TRARG1: variants seen among roughly 807,000 people sequenced by gnomAD.
The protein encoded by TRARG1 is trafficking regulator of GLUT4 1.
TRARG1 carries 16 observed loss-of-function variants against 13.3 expected under a neutral mutation model. The ratio of observed to expected loss-of-function variants is 1.20; its 90% CI spans 0.81 to 1.83. The LOEUF is 1.83. TRARG1 is among the 40% of genes most tolerant of loss of function. The pLI is 0.00. For synonymous variants in TRARG1, 113 were observed against 106.2 expected, an observed-to-expected ratio of 1.06 and a Z score of -0.39; for missense variants, 250 against 237.4, an observed-to-expected ratio of 1.05 and a Z score of -0.35.
chr17:1,295,543 G>T lies in TRARG1; in HGVS notation c.440G>T (p.Arg147Leu). The T allele has an allele frequency of 1.9e-6, 3 of 1,612,876 alleles. No individual in the cohort carries two copies. The highest frequency in any genetic ancestry group is 1.1e-5 in the South Asian group (1 of 91,016). The part of the protein sequence containing the change: ...GNVDGARRLG[R>L]LARLLSITLI... ...GTGGACGGCGCCCGGAGGCTGGGCC[G>T]CCTGGCTCGGCTGCTCAGCATTACC... Residue 147 changes from arginine (R) to leucine (L), a missense_variant, in exon 2 of 3, where the codon CGC (arginine) becomes CTC (leucine). Arg to Leu is a moderately radical substitution (Grantham distance 102, BLOSUM62 -2). Transcript: ENST00000333813.
intron 1 of TRARG1, among the ~76,000 whole-genome samples, chr17:1,282,019 T>TACACAGATATAC (rs2071977859): frequency 4.2e-5 from 6 of 142,530 alleles, no homozygotes; most frequent in Non-Finnish European, 9.4e-5. Flanking sequence ...TATGTACATA[T>TACACAGATATAC]ACATATGTAC....
intron 1 of TRARG1, among the ~76,000 whole-genome samples, chr17:1,294,465 T>C (rs1418676561): frequency 8.8e-6 from 1 of 114,198 alleles, no homozygotes; most frequent in African/African-American, 3.7e-5. Context: ...GTGAAGACAG[T>C]GTCTTTTTTT....
chr17:1,297,374 G>A lies in TRARG1; in HGVS notation c.521-877G>A, dbSNP rs57109862. On this transcript the variant is annotated intron_variant, in intron 2 of 2. Transcript: ENST00000333813. ...CCTTGGCCACTTAGGAGAGGGAAGCGTTCGGGTTTGGAATCAGCGTGCCCA... is the reference window on the plus strand; with the variant it reads ...CCTTGGCCACTTAGGAGAGGGAAGCATTCGGGTTTGGAATCAGCGTGCCCA... 6.0e-3 allele frequency among the ~76,000 whole-genome samples: 918 copies of A among 152,172 alleles called. 12 individuals carry two copies. The highest frequency in any genetic ancestry group is 0.021 in the African/African-American group (886 of 41,524).
Position 1,280,102 on chromosome 17 carries a change from A to C in TRARG1, c.101A>C (p.Glu34Ala). 1 of 1,613,740 alleles carries C rather than the reference A, an allele frequency of 6.2e-7. No homozygotes were observed. The highest frequency in any genetic ancestry group is 8.5e-7 in the Non-Finnish European group (1 of 1,180,028). ...PEMEILLTKA[E>A]NKDDKTLNLS... ...ATGGAGATACTCCTCACCAAGGCAG[A>C]GAACAAGGATGACAAGACCCTGAAT... is the stretch of plus-strand genomic sequence containing the variant. Residue 34 changes from glutamate (E) to alanine (A), a missense_variant, in exon 1 of 3, where the codon GAG becomes GCG. Transcript: ENST00000333813.
intron 1 of TRARG1, among the ~76,000 whole-genome samples, chr17:1,293,694 T>TC (rs2072090844): frequency 1.3e-5 from 2 of 152,018 alleles, no homozygotes; most frequent in African/African-American, 4.8e-5. Context: ...TTTGATGTTG[T>TC]GGGTTGAGTT....
In TRARG1 at chr17:1,280,148, G is replaced by T. The variant is rs773347141; in HGVS notation, c.147G>T (p.Gly49=). ...KTLNLSKTLS[G]PLDLEQNSQG... ...TGAATCTGTCCAAGACCCTCTCGGGGCCTCTGGATCTGGAGCAGAACAGCC... is the reference window on the plus strand; with the variant it reads ...TGAATCTGTCCAAGACCCTCTCGGGTCCTCTGGATCTGGAGCAGAACAGCC... The change falls in exon 1 of 3, where the codon GGG becomes GGT. Residue 49 remains glycine, a synonymous_variant. Coordinates refer to ENST00000333813, the MANE Select transcript of TRARG1 (RefSeq NM_172367.3). 3.1e-6 allele frequency: 5 copies of T among 1,613,990 alleles called. No homozygotes were observed. The highest frequency in any genetic ancestry group is 1.1e-5 in the South Asian group (1 of 91,062).
At chr17:1,286,754 TGTTATCAGCCTGTGGG>T (rs2072028124) in intron 1 of TRARG1, among the ~76,000 whole-genome samples, 1 of 141,612 alleles carries the variant, frequency 7.1e-6, no homozygotes, top group Non-Finnish European at 1.5e-5. Flanking sequence ...GCCTGTGGGG[TGTTATCAGCCTGTGGG>T]GTGTTATTGG....
At chr17:1,297,256 C>T (rs917779774) in intron 2 of TRARG1, among the ~76,000 whole-genome samples, 14 of 152,104 alleles carry the variant, frequency 9.2e-5, no homozygotes, top group Non-Finnish European at 1.5e-5. Context: ...CCAGCCCAAC[C>T]GTCAACGTTG....
At chr17:1,284,094 G>C (rs1468114300) in intron 1 of TRARG1, among the ~76,000 whole-genome samples, 1 of 150,704 alleles carries the variant, frequency 6.6e-6, no homozygotes, top group African/African-American at 2.5e-5. Context: ...CAGCCTGGGC[G>C]ACAGAGCAAG....
chr17:1,282,194 GTACACGTGCGTATATGTACGTA>G (rs1404613649), intron 1 of TRARG1, among the ~76,000 whole-genome samples: 7 of 125,858 alleles, frequency 5.6e-5, no homozygotes, highest in South Asian at 5.1e-4. Flanking sequence ...ATATGTACGT[GTACACGTGCGTATATGTACGTA>G]TACACGTGCG....
At chr17:1,297,754 C>A (rs1043015379) in intron 2 of TRARG1, among the ~76,000 whole-genome samples, 1 of 151,964 alleles carries the variant, frequency 6.6e-6, no homozygotes, top group African/African-American at 2.4e-5. Context: ...CAGGCACGTG[C>A]CACCACGCCC....
intron 1 of TRARG1, among the ~76,000 whole-genome samples, chr17:1,281,064 G>C (rs1353785341): frequency 6.6e-6 from 1 of 152,350 alleles, no homozygotes; most frequent in Non-Finnish European, 1.5e-5. Flanking sequence ...AAAAATGTGA[G>C]AGTCAGAGGG....
Position 1,280,051 on chromosome 17 carries a change from C to T in TRARG1, c.50C>T (p.Ser17Phe). The T allele has an allele frequency of 6.2e-7, 1 of 1,613,416 alleles. No homozygotes were observed. The highest frequency in any genetic ancestry group is 8.5e-7 in the Non-Finnish European group (1 of 1,180,028). ...SEFPSAQEPG[S>F]AAFLDLPEME... ...TTTCCTTCAGCACAGGAGCCAGGCT[C>T]CGCCGCATTCCTGGACCTGCCGGAG... The change falls in exon 1 of 3, where the codon TCC (serine) becomes TTC (phenylalanine). Residue 17 changes from serine to phenylalanine, a missense_variant. Coordinates refer to ENST00000333813, the MANE Select transcript of TRARG1 (RefSeq NM_172367.3).
intron 1 of TRARG1, among the ~76,000 whole-genome samples, chr17:1,283,637 T>C (rs1341050323): frequency 1.3e-5 from 2 of 151,104 alleles, no homozygotes; most frequent in Non-Finnish European, 2.9e-5. Flanking sequence ...TGCAACCCCA[T>C]CTCTACTAAA....
At chr17:1,292,130 T>G (rs945538243) in intron 1 of TRARG1, among the ~76,000 whole-genome samples, 1 of 152,070 alleles carries the variant, frequency 6.6e-6, no homozygotes, top group Non-Finnish European at 1.5e-5. Flanking sequence ...ATCTCGCCAT[T>G]GCACTACAGC....
chr17:1,288,210 C>T (rs944990588), intron 1 of TRARG1, among the ~76,000 whole-genome samples: 3 of 151,910 alleles, frequency 2.0e-5, no homozygotes, highest in Admixed American at 6.6e-5. Context: ...GCTGCCTCCA[C>T]GTGCTGTCTG....
At chr17:1,290,606 G>C (rs906240661) in intron 1 of TRARG1, among the ~76,000 whole-genome samples, 1 of 152,094 alleles carries the variant, frequency 6.6e-6, no homozygotes, top group Non-Finnish European at 1.5e-5. Context: ...GAGGGTCCTT[G>C]TTGATCTGGC....
rs538254309 is a variant in TRARG1, at chr17:1,298,679, G to A, written c.*415G>A. ...AGAGCTCCTTCCTGTCTGTGGACTC[G>A]GAGCAAAGACGTGGGGCCCCATCTT... On this transcript the variant is annotated 3_prime_UTR_variant, in exon 3 of 3. Transcript: ENST00000333813. 2.4e-4 allele frequency: 50 copies of A among 205,466 alleles called. No homozygotes were observed. Among genetic ancestry groups the A allele is most frequent in the Middle Eastern group, 1.7e-3 (1 of 594 alleles). 12.7% of individuals were successfully genotyped at this position (205,466 alleles called of 1,614,324 possible).
At position 1,298,352 on chromosome 17, in the gene TRARG1, CT is replaced by C; in HGVS notation, c.*89del. On this transcript the variant is annotated 3_prime_UTR_variant, in exon 3 of 3. Coordinates refer to ENST00000333813, the MANE Select transcript of TRARG1 (RefSeq NM_172367.3). ...ACACCGCGGGAGGCCAGGGTGCTGA[CT>C]GTCAAGCATCCCCTGTCCCCAAGTT... is the stretch of plus-strand genomic sequence containing the variant. 6.9e-7 allele frequency: 1 copy of C among 1,453,216 alleles called. No homozygotes were observed. Among genetic ancestry groups the C allele is most frequent in the Non-Finnish European group, 9.5e-7 (1 of 1,055,120 alleles). The allele number at this position is 1,453,216 out of a possible 1,614,324, so 90.0% of individuals were successfully genotyped here.
Sources: allele counts gnomAD v4.1 joint callset (sites outside exome capture counted in the v4.1 genomes callset), GRCh38; gene constraint gnomAD v4.1.1; transcripts MANE v1.5; gene names NCBI Gene and HGNC (gene_info 2026-07-23, HGNC 2026-07-21).